The following RHBDL2 variants were observed in gnomAD, a reference collection of about 807,000 sequenced individuals.
The protein encoded by RHBDL2 is rhomboid-related protein 2.
A neutral mutation model predicts 31.7 loss-of-function variants in RHBDL2; 26 were observed. The observed-to-expected ratio is 0.82, with a 90% CI of 0.60 to 1.14. RHBDL2 has a LOEUF of 1.14. RHBDL2 is among the 50% of genes most tolerant of loss of function. The pLI is 0.00. For synonymous variants in RHBDL2, 123 were observed against 127.2 expected (o/e 0.97, Z 0.22); for missense variants, 336 against 364.4 (o/e 0.92, Z 0.63).
At chr1:38,922,273 A>G (rs961271634) in intron 1 of RHBDL2, among the ~76,000 whole-genome samples, 4 of 146,408 alleles carry the variant, frequency 2.7e-5, no homozygotes, top group Admixed American at 2.1e-4. Flanking sequence ...GGGTTTTTTT[A>G]TTTAATTTTT....
intron 7 of RHBDL2, 54 bp downstream of exon 7, chr1:38,887,909 C>A: frequency 1.5e-6 from 2 of 1,306,950 alleles, no homozygotes; most frequent in South Asian, 1.2e-5. Context: ...ATTTGATAAC[C>A]CTTTTTGACA....
intron 6 of RHBDL2, among the ~76,000 whole-genome samples, chr1:38,892,463 C>A (rs1015560077): frequency 6.6e-6 from 1 of 152,092 alleles, no homozygotes; most frequent in African/African-American, 2.4e-5. Flanking sequence ...CATAAAGATA[C>A]TAAAAGCCAA....
intron 4 of RHBDL2, 38 bp downstream of exon 4, chr1:38,911,284 C>T: frequency 7.4e-7 from 1 of 1,357,320 alleles, no homozygotes; most frequent in Non-Finnish European, 1.1e-6. Flanking sequence ...TCCTAAGAGC[C>T]CAGAGGTATT....
At chr1:38,895,679 C>T (rs753691677) in intron 5 of RHBDL2, among the ~76,000 whole-genome samples, 12 of 152,094 alleles carry the variant, frequency 7.9e-5, no homozygotes, top group Non-Finnish European at 1.3e-4. Flanking sequence ...TGGCCCACAC[C>T]TGTAGTCCCA....
intron 1 of RHBDL2, among the ~76,000 whole-genome samples, chr1:38,936,624 C>T (rs1207552482): frequency 1.3e-5 from 2 of 152,056 alleles, no homozygotes; most frequent in Middle Eastern, 3.4e-3. Context: ...CTCAGCCTCC[C>T]GAATAGCCGG....
At chr1:38,924,821 T>G (rs1260283084) in intron 1 of RHBDL2, among the ~76,000 whole-genome samples, 1 of 150,150 alleles carries the variant, frequency 6.7e-6, no homozygotes, top group Non-Finnish European at 1.5e-5. Context: ...TTGCTCTTGT[T>G]GCCAGGCTGG....
At chr1:38,925,496 G>A (rs577861576) in intron 1 of RHBDL2, among the ~76,000 whole-genome samples, 6 of 150,630 alleles carry the variant, frequency 4.0e-5, no homozygotes, top group South Asian at 2.1e-4. Flanking sequence ...CAGCCTGGGC[G>A]ACAGAGTGAG....
chr1:38,902,201 C>CCTTT (rs1643000097), intron 4 of RHBDL2, among the ~76,000 whole-genome samples: 1 of 92,806 alleles, frequency 1.1e-5, no homozygotes, highest in African/African-American at 3.8e-5. Flanking sequence ...TTTTCTTTTT[C>CCTTT]TTTTTTTTTT....
chr1:38,931,101 C>A (rs911837613), intron 1 of RHBDL2, among the ~76,000 whole-genome samples: 3 of 152,140 alleles, frequency 2.0e-5, no homozygotes, highest in African/African-American at 7.2e-5. Context: ...GAGTTCACCC[C>A]GGATCAACAG....
At chr1:38,924,782 C>CTTTTTTTTT (rs111244874) in intron 1 of RHBDL2, among the ~76,000 whole-genome samples, 4 of 125,822 alleles carry the variant, frequency 3.2e-5, no homozygotes, top group Non-Finnish European at 6.6e-5. Flanking sequence ...TTTCTTTTTT[C>CTTTTTTTTT]TTTTTTTTTT....
rs536115686 is a variant in RHBDL2 at position 38,932,547 on chromosome 1, C to T, written c.-126+9135G>A. ...CGAACTCAGCTCACTGTAAGCTCCA[C>T]CTCCCCAGTTCAAGGGACTCTTGTG... On this transcript the variant is annotated intron_variant, in intron 1 of 7. Transcript: ENST00000372990. 2.6e-4 allele frequency among the ~76,000 whole-genome samples: 39 copies of T among 152,312 alleles called. 1 individual carries two copies. In the South Asian group the frequency reaches 6.8e-3, roughly 27 times the overall value.
intron 4 of RHBDL2, among the ~76,000 whole-genome samples, chr1:38,902,506 G>A (rs1643006018): frequency 6.7e-6 from 1 of 149,628 alleles, no homozygotes; most frequent in South Asian, 2.1e-4. Flanking sequence ...TGTAACCTCT[G>A]CTTCCCAGGT....
intron 6 of RHBDL2, among the ~76,000 whole-genome samples, chr1:38,889,303 A>G (rs1212013511): frequency 2.0e-5 from 3 of 152,104 alleles, no homozygotes; most frequent in Admixed American, 2.0e-4. Flanking sequence ...CGTGTTGACA[A>G]GGCTGGTCTC....
At chr1:38,922,650 G>A (rs1158510911) in intron 1 of RHBDL2, among the ~76,000 whole-genome samples, 1 of 140,226 alleles carries the variant, frequency 7.1e-6, no homozygotes, top group Non-Finnish European at 1.5e-5. Context: ...GCCTCTCTCT[G>A]ATTTATCTTA....
intron 4 of RHBDL2, among the ~76,000 whole-genome samples, chr1:38,906,175 T>G (rs1358133211): frequency 3.9e-5 from 6 of 152,062 alleles, no homozygotes; most frequent in Non-Finnish European, 8.8e-5. Flanking sequence ...TCTTAACTCT[T>G]AATCAACATA....
At chr1:38,886,954 T>A (rs1268212864) in intron 7 of RHBDL2, among the ~76,000 whole-genome samples, 1 of 152,218 alleles carries the variant, frequency 6.6e-6, no homozygotes, top group Non-Finnish European at 1.5e-5. Flanking sequence ...TTAATCATCA[T>A]TGCATTTAAA....
chr1:38,920,072 AC>A (rs1424614737), intron 1 of RHBDL2, among the ~76,000 whole-genome samples: 1 of 151,570 alleles, frequency 6.6e-6, no homozygotes, highest in Non-Finnish European at 1.5e-5. Flanking sequence ...CTATAGATTG[AC>A]CTATACTGGA....
At chr1:38,936,340 ACT>A (rs1643510768) in intron 1 of RHBDL2, among the ~76,000 whole-genome samples, 1 of 148,082 alleles carries the variant, frequency 6.8e-6, no homozygotes, top group African/African-American at 2.5e-5. Flanking sequence ...ATGGAGTCTC[ACT>A]CTGTTGCCCA....
intron 4 of RHBDL2, among the ~76,000 whole-genome samples, chr1:38,905,970 G>A (rs533902214): frequency 6.6e-6 from 1 of 151,928 alleles, no homozygotes; most frequent in East Asian, 1.9e-4. Context: ...GGGAGGCTGA[G>A]GCAGGAGAAT....
Sources: allele counts gnomAD v4.1 joint callset (sites outside exome capture counted in the v4.1 genomes callset), GRCh38; gene constraint gnomAD v4.1.1; transcripts MANE v1.5; gene names NCBI Gene and HGNC (gene_info 2026-07-23, HGNC 2026-07-21).